The following MYO5A variants were observed in gnomAD, a reference collection of about 807,000 sequenced individuals.
MYO5A encodes myosin VA.
MYO5A carries 98 observed loss-of-function variants against 249.7 expected under a neutral mutation model. That is an observed-to-expected ratio of 0.39 (90% CI 0.33 to 0.46). The LOEUF (loss-of-function observed/expected upper bound fraction) is 0.46, where lower values mean the gene tolerates loss of function less well. MYO5A is among the 20% of genes least tolerant of loss of function. The pLI, the probability that MYO5A is intolerant of heterozygous loss-of-function variation, is 0.98. For missense variants in MYO5A, 1,696 were observed against 2,308.8 expected, an observed-to-expected ratio of 0.73 and a Z score of 5.44; for synonymous variants, 778 against 810.6, an observed-to-expected ratio of 0.96 and a Z score of 0.68.
At chr15:52,388,469 AG>A (rs1464818975) in intron 13 of MYO5A, among the ~76,000 whole-genome samples, 1 of 152,172 alleles carries the variant, frequency 6.6e-6, no homozygotes, top group Admixed American at 6.5e-5. Flanking sequence ...CTGCCACTCA[AG>A]GGGGTCAAAG....
At chr15:52,368,515 C>A (rs939047525) in intron 22 of MYO5A, among the ~76,000 whole-genome samples, 1 of 152,152 alleles carries the variant, frequency 6.6e-6, no homozygotes, top group South Asian at 2.1e-4. Flanking sequence ...AACTTCTGGG[C>A]TCCTTGATCA....
chr15:52,453,023 A>C (rs572402361), intron 1 of MYO5A, among the ~76,000 whole-genome samples: 1 of 152,276 alleles, frequency 6.6e-6, no homozygotes, highest in East Asian at 1.9e-4. Context: ...ATTAATAGTA[A>C]GAGAAAACTT....
At position 52,366,536 on chromosome 15, in the gene MYO5A, T is replaced by C. The variant is rs76216425; in HGVS notation, c.3160+495A>G. Among the ~76,000 whole-genome samples the C allele has an allele frequency of 7.8e-3, 1,165 of 150,322 alleles. 14 individuals are homozygous for C. Among genetic ancestry groups the C allele is most frequent in the African/African-American group, 0.027 (1,116 of 40,880 alleles). On this transcript the variant is annotated intron_variant, in intron 23 of 41. Coordinates refer to ENST00000399233, the MANE Select transcript of MYO5A (RefSeq NM_001382347.1). Reference sequence around the variant, plus strand: ...CCCCACAAACAGAAAATAGAATAAATGTCCATATCTAGTTAGTTCTCTATT... The same window carrying C: ...CCCCACAAACAGAAAATAGAATAAACGTCCATATCTAGTTAGTTCTCTATT...
chr15:52,455,177 A>G (rs2076094185), intron 1 of MYO5A, among the ~76,000 whole-genome samples: 1 of 152,076 alleles, frequency 6.6e-6, no homozygotes, highest in Admixed American at 6.5e-5. Flanking sequence ...TAGAGACATT[A>G]TAAAGTACTA....
rs2075742166 is a variant in MYO5A, at chr15:52,439,563, T to G, written c.28-6278A>C. Among the ~76,000 whole-genome samples, 2 of 152,186 alleles carry G rather than the reference T, an allele frequency of 1.3e-5. 1 individual carries two copies. The highest frequency in any genetic ancestry group is 4.1e-4 in the South Asian group (2 of 4,826). ...GGCAGCACATATATGTTGATTTTATTTAAGACTGAGATAAGGTAAGGCAAG... is the reference window on the plus strand; with the variant it reads ...GGCAGCACATATATGTTGATTTTATGTAAGACTGAGATAAGGTAAGGCAAG... On this transcript the variant is annotated intron_variant, in intron 1 of 41. Transcript: ENST00000399233.
intron 23 of MYO5A, among the ~76,000 whole-genome samples, chr15:52,366,631 A>C (rs2040825736): frequency 4.3e-5 from 2 of 47,000 alleles, no homozygotes; most frequent in African/African-American, 4.9e-4. Flanking sequence ...TGATTTAGCA[A>C]AAAAAAAAAA....
chr15:52,503,099 A>T (rs1227167325), intron 1 of MYO5A, among the ~76,000 whole-genome samples: 4 of 152,210 alleles, frequency 2.6e-5, no homozygotes, highest in Admixed American at 2.6e-4. Context: ...TGATAGAAGA[A>T]ATAAGATCTA....
chr15:52,478,442 C>A (rs1281210455), intron 1 of MYO5A, among the ~76,000 whole-genome samples: 2 of 152,102 alleles, frequency 1.3e-5, no homozygotes, highest in Admixed American at 1.3e-4. Context: ...CCGACAAGCC[C>A]CAGTGAGATG....
intron 16 of MYO5A, among the ~76,000 whole-genome samples, chr15:52,381,105 G>A (rs188787535): frequency 6.6e-5 from 10 of 152,260 alleles, no homozygotes; most frequent in African/African-American, 2.4e-4. Flanking sequence ...TTTCCCTTCG[G>A]CCAAATGATT....
chr15:52,345,583 T>G (rs2039581602), intron 30 of MYO5A, among the ~76,000 whole-genome samples: 3 of 130,322 alleles, frequency 2.3e-5, no homozygotes. Context: ...AAACTCCATT[T>G]CAAAAAAAAA....
chr15:52,486,673 A>G (rs2076826912), intron 1 of MYO5A, among the ~76,000 whole-genome samples: 1 of 152,220 alleles, frequency 6.6e-6, no homozygotes, highest in African/African-American at 2.4e-5. Context: ...AGGAAAGGAA[A>G]TAACACACAG....
rs116361856 is a variant in MYO5A, at chr15:52,353,555, C to G, written c.3621+50G>C. ...AGAAAAAGAGAGGCTCTGAATGGGC[C>G]TCTTGCCAAAACAAAATATTCAAAG... On this transcript the variant is annotated intron_variant, in intron 27 of 41. Transcript: ENST00000399233. The G allele has an allele frequency of 4.9e-3, 7,539 of 1,539,208 alleles. 307 individuals carry two copies. The African/African-American group carries it at 0.091, about 19-fold the overall frequency.
chr15:52,351,166 T>C (rs2039931005), intron 28 of MYO5A, 88 bp downstream of exon 28: 2 of 988,456 alleles, frequency 2.0e-6, no homozygotes, highest in Non-Finnish European at 3.2e-6. Context: ...CTCTTAAGTG[T>C]TTGCTGCATT....
intron 36 of MYO5A, chr15:52,324,042 A>C (rs1410959352): frequency 4.2e-5 from 6 of 144,272 alleles, no homozygotes; most frequent in Admixed American, 7.0e-5. Context: ...AAAAAAAATC[A>C]CCCAGCTACA....
At chr15:52,435,726 C>A in intron 1 of MYO5A, 1 of 439,124 alleles carries the variant, frequency 2.3e-6, no homozygotes, top group Admixed American at 2.6e-5. Context: ...TATTAACTAA[C>A]TTTTAGTCTT....
At chr15:52,390,367 A>G (rs1313135863) in intron 12 of MYO5A, among the ~76,000 whole-genome samples, 1 of 152,112 alleles carries the variant, frequency 6.6e-6, no homozygotes, top group Admixed American at 6.5e-5. Flanking sequence ...AATCTTATGT[A>G]TCCCCATAAA....
chr15:52,477,388 T>C (rs968221953), intron 1 of MYO5A, among the ~76,000 whole-genome samples: 7 of 152,226 alleles, frequency 4.6e-5, no homozygotes, highest in African/African-American at 1.7e-4. Context: ...TCCGAAGCCT[T>C]CTTCTCTCAA....
At chr15:52,489,203 G>A (rs2076884377) in intron 1 of MYO5A, among the ~76,000 whole-genome samples, 1 of 152,180 alleles carries the variant, frequency 6.6e-6, no homozygotes, top group African/African-American at 2.4e-5. Context: ...TACTGAATTT[G>A]GCACTGATTT....
At chr15:52,420,306 C>CA (rs3079056) in intron 4 of MYO5A, among the ~76,000 whole-genome samples, 342 of 124,434 alleles carry the variant, frequency 2.7e-3, no homozygotes, top group South Asian at 7.8e-3. Context: ...CCCTGTATTA[C>CA]AAAAAAAAAA....
Sources: allele counts gnomAD v4.1 joint callset (sites outside exome capture counted in the v4.1 genomes callset), GRCh38; gene constraint gnomAD v4.1.1; transcripts MANE v1.5; gene names NCBI Gene and HGNC (gene_info 2026-07-23, HGNC 2026-07-21).